Variants in NAALADL2 observed in about 807,000 individuals in gnomAD.
NAALADL2 encodes the protein inactive N-acetylated-alpha-linked acidic dipeptidase-like protein 2.
A neutral mutation model predicts 87.2 loss-of-function variants in NAALADL2; 76 were observed. The ratio of observed to expected loss-of-function variants is 0.87; its 90% CI spans 0.72 to 1.05. The LOEUF (loss-of-function observed/expected upper bound fraction) is 1.05. Among genes scored for constraint, NAALADL2 ranks in the 50% least tolerant of loss-of-function variants. The pLI is 0.00. For missense variants in NAALADL2, 1,089 were observed against 945.8 expected (o/e 1.15, Z -1.99); for synonymous variants, 354 against 331.0 (o/e 1.07, Z -0.75).
At chr3:175,582,834 T>C (rs992279718) in intron 10 of NAALADL2, among the ~76,000 whole-genome samples, 3 of 152,196 alleles carry the variant, frequency 2.0e-5, no homozygotes, top group African/African-American at 7.2e-5. Context: ...GCAGAACTGA[T>C]TGACAATTTC....
intron 1 of NAALADL2, among the ~76,000 whole-genome samples, chr3:175,066,648 T>C (rs967556989): frequency 3.3e-5 from 5 of 152,184 alleles, no homozygotes; most frequent in South Asian, 2.1e-4. Flanking sequence ...CTGGAAGATA[T>C]TGTTAATAAA....
At chr3:175,326,524 A>G (rs1363085621) in intron 5 of NAALADL2, among the ~76,000 whole-genome samples, 1 of 152,218 alleles carries the variant, frequency 6.6e-6, no homozygotes, top group East Asian at 1.9e-4. Context: ...TGTTATAGCA[A>G]GAACCGCACT....
intron 13 of NAALADL2, among the ~76,000 whole-genome samples, chr3:175,766,553 C>A (rs1748706043): frequency 6.6e-6 from 1 of 152,010 alleles, no homozygotes; most frequent in Non-Finnish European, 1.5e-5. Context: ...GGAAATAATT[C>A]AATGGGGGAA....
At chr3:175,563,272 A>T (rs1716573748) in intron 9 of NAALADL2, among the ~76,000 whole-genome samples, 1 of 152,084 alleles carries the variant, frequency 6.6e-6, no homozygotes, top group Admixed American at 6.5e-5. Flanking sequence ...GCTCTTTTGT[A>T]TTTATCTCAA....
intron 2 of NAALADL2, among the ~76,000 whole-genome samples, chr3:174,633,462 A>G (rs1722340867): frequency 6.6e-6 from 1 of 152,204 alleles, no homozygotes; most frequent in African/African-American, 2.4e-5. Context: ...AGCATCCAGA[A>G]TGATGCATCT....
intron 1 of NAALADL2, among the ~76,000 whole-genome samples, chr3:174,969,355 C>G (rs1743298600): frequency 6.6e-6 from 1 of 152,114 alleles, no homozygotes; most frequent in Admixed American, 6.6e-5. Context: ...ACTCCTCTTA[C>G]TTTTAATATT....
At chr3:174,635,565 C>T (rs1172155352) in intron 2 of NAALADL2, among the ~76,000 whole-genome samples, 6 of 150,620 alleles carry the variant, frequency 4.0e-5, no homozygotes, top group Non-Finnish European at 7.4e-5. Flanking sequence ...TGCTCTGGCG[C>T]GATCTCGGCT....
At chr3:174,747,179 T>C (rs1047357463) in intron 3 of NAALADL2, among the ~76,000 whole-genome samples, 1 of 152,038 alleles carries the variant, frequency 6.6e-6, no homozygotes, top group Non-Finnish European at 1.5e-5. Flanking sequence ...AATGTATGCA[T>C]CTAACAAAGG....
At chr3:174,608,795 C>G (rs1445116045) in intron 2 of NAALADL2, among the ~76,000 whole-genome samples, 1 of 149,856 alleles carries the variant, frequency 6.7e-6, no homozygotes, top group Non-Finnish European at 1.5e-5. Flanking sequence ...AAGAGGGAAT[C>G]CTCCCTAACT....
At position 175,530,188 on chromosome 3, in the gene NAALADL2, C is replaced by T. The variant is rs570848234; in HGVS notation, c.1654-45853C>T. 1.3e-4 allele frequency among the ~76,000 whole-genome samples: 20 copies of T among 152,302 alleles called. No homozygotes were observed. The East Asian group carries it at 3.5e-3, about 27-fold the overall frequency. On this transcript the variant is annotated intron_variant, in intron 9 of 13. Coordinates refer to ENST00000454872, the MANE Select transcript of NAALADL2 (RefSeq NM_207015.3). ...AGTGGTGTCCACAGAACAGGTCATC[C>T]TATCCACTCGATTATTAAAATCCTC...
intron 11 of NAALADL2, among the ~76,000 whole-genome samples, chr3:175,705,554 G>GAA (rs10717263): frequency 7.0e-6 from 1 of 142,684 alleles, no homozygotes; most frequent in Non-Finnish European, 1.5e-5. Context: ...GAAAGAAGAA[G>GAA]AAAAAAAAAA....
intron 9 of NAALADL2, among the ~76,000 whole-genome samples, chr3:175,527,360 G>A (rs1733559916): frequency 6.6e-6 from 1 of 152,006 alleles, no homozygotes; most frequent in Non-Finnish European, 1.5e-5. Context: ...ATGATGGACT[G>A]GTAATATCTT....
At chr3:175,133,221 G>A (rs1364680859) in intron 2 of NAALADL2, among the ~76,000 whole-genome samples, 27 of 150,468 alleles carry the variant, frequency 1.8e-4, no homozygotes, top group African/African-American at 6.6e-4. Context: ...GGGCAGAGAC[G>A]CTCCTCACTT....
At chr3:174,588,413 C>G (rs1227122125) in intron 2 of NAALADL2, among the ~76,000 whole-genome samples, 1 of 152,198 alleles carries the variant, frequency 6.6e-6, no homozygotes, top group East Asian at 1.9e-4. Flanking sequence ...TGTTCCGTTG[C>G]TGGTGAGGAG....
At chr3:175,181,737 GTATATATGTATATATA>G (rs1736556865) in intron 2 of NAALADL2, among the ~76,000 whole-genome samples, 1 of 62,704 alleles carries the variant, frequency 1.6e-5, no homozygotes, top group African/African-American at 7.1e-5. Flanking sequence ...GTATATATGT[GTATATATGTATATATA>G]TGTGTGTATA....
At chr3:174,979,367 A>G (rs1302073871) in intron 1 of NAALADL2, among the ~76,000 whole-genome samples, 1 of 133,190 alleles carries the variant, frequency 7.5e-6, no homozygotes, top group African/African-American at 3.0e-5. Context: ...GTGCAGTGGC[A>G]CAGTCTCGGC....
Position 174,637,816 on chromosome 3 carries a change from T to C in NAALADL2, c.-115+87179T>C, listed in dbSNP as rs78399794. Among the ~76,000 whole-genome samples the C allele has an allele frequency of 2.8e-4, 43 of 152,244 alleles. 1 individual carries two copies. The East Asian group carries it at 8.1e-3, about 29-fold the overall frequency. ...ATATCTGTATGTACATATTTGGGGA[T>C]TTTATAAAGCCAAGTCTTGATTTCC... is the stretch of plus-strand genomic sequence containing the variant. On this transcript the variant is annotated intron_variant, in intron 2 of 3. Coordinates refer to the NAALADL2 transcript ENST00000434257.
chr3:175,438,017 T>C (rs1719028772), intron 5 of NAALADL2, among the ~76,000 whole-genome samples: 1 of 152,088 alleles, frequency 6.6e-6, no homozygotes, highest in South Asian at 2.1e-4. Context: ...TATGTCTTTA[T>C]TTTTACAATT....
At chr3:175,589,682 C>A (rs1266073017) in intron 10 of NAALADL2, among the ~76,000 whole-genome samples, 1 of 151,058 alleles carries the variant, frequency 6.6e-6, no homozygotes, top group Non-Finnish European at 1.5e-5. Context: ...TATAAGAAAC[C>A]TTTTGTTGAG....
Sources: gnomAD v4.1 joint callset for allele counts (sites outside exome capture counted in the v4.1 genomes callset) on GRCh38, gnomAD v4.1.1 for gene constraint, MANE v1.5 for transcripts, NCBI Gene and HGNC (gene_info 2026-07-23, HGNC 2026-07-21) for gene names.